The following LAMA2 variants were observed in gnomAD, a reference collection of about 807,000 sequenced individuals.
The protein encoded by LAMA2 is laminin subunit alpha 2.
Under a neutral mutation model 364.8 loss-of-function variants are expected in LAMA2, and 269 were observed. The ratio of observed to expected loss-of-function variants is 0.74; its 90% CI spans 0.67 to 0.82. The LOEUF (loss-of-function observed/expected upper bound fraction) is 0.82. LAMA2 is among the 40% of genes least tolerant of loss of function. LAMA2 has a pLI of 0.00. For missense variants in LAMA2, 3,807 were observed against 3,873.2 expected (o/e 0.98, Z 0.45); for synonymous variants, 1,379 against 1,370.6 (o/e 1.01, Z -0.14).
Position 129,243,608 on chromosome 6 carries a change from T to A in LAMA2, c.1783-6504T>A, listed in dbSNP as rs771312119. On this transcript the variant is annotated intron_variant, in intron 12 of 64. Coordinates refer to ENST00000421865, the MANE Select transcript of LAMA2 (RefSeq NM_000426.4). ...TATCTCTGGTGGTCTGTTCCAGAAC[T>A]ATGTCCTTGACTCTGTCACATTCAT... Among the ~76,000 whole-genome samples the A allele has an allele frequency of 2.6e-5, 4 of 152,220 alleles. No homozygotes were observed. In the East Asian group the frequency reaches 7.7e-4, roughly 29 times the overall value.
At chr6:129,006,451 C>T (rs1784444989) in intron 1 of LAMA2, among the ~76,000 whole-genome samples, 1 of 152,042 alleles carries the variant, frequency 6.6e-6, no homozygotes, top group Non-Finnish European at 1.5e-5. Context: ...GCAGCATGAC[C>T]TCTCATCTCT....
chr6:129,067,859 A>G (rs1773038070), intron 3 of LAMA2, among the ~76,000 whole-genome samples: 1 of 152,088 alleles, frequency 6.6e-6, no homozygotes, highest in South Asian at 2.1e-4. Context: ...GTTTTTATTC[A>G]AGTGTTACCT....
chr6:129,422,564 G>C (rs1441518518), intron 40 of LAMA2, among the ~76,000 whole-genome samples: 1 of 152,170 alleles, frequency 6.6e-6, no homozygotes, highest in Middle Eastern at 3.4e-3. Context: ...GATGTTAAGA[G>C]GATATTATGA....
intron 20 of LAMA2, among the ~76,000 whole-genome samples, chr6:129,295,989 G>A (rs901838174): frequency 6.6e-6 from 1 of 151,562 alleles, no homozygotes; most frequent in Admixed American, 6.6e-5. Flanking sequence ...GGTGGTATGG[G>A]TATGTAATTG....
chr6:129,485,327 A>T (rs1181632603), intron 55 of LAMA2, among the ~76,000 whole-genome samples: 1 of 152,196 alleles, frequency 6.6e-6, no homozygotes, highest in Admixed American at 6.5e-5. Context: ...TCCTATTAAA[A>T]CAATTACAAT....
At chr6:129,106,959 A>G (rs6917970) in intron 4 of LAMA2, among the ~76,000 whole-genome samples, 39,623 of 151,280 alleles carry the variant, frequency 0.26, 5,947 homozygotes, top group African/African-American at 0.42. Context: ...AAAGATGGCC[A>G]GAGAAACTGA....
intron 1 of LAMA2, among the ~76,000 whole-genome samples, chr6:128,989,655 C>T (rs547948894): frequency 6.6e-6 from 1 of 152,150 alleles, no homozygotes; most frequent in Non-Finnish European, 1.5e-5. Flanking sequence ...TCACATCAGG[C>T]TTTGCTTATA....
At chr6:129,325,314 G>A (rs888313373) in intron 28 of LAMA2, among the ~76,000 whole-genome samples, 1 of 152,158 alleles carries the variant, frequency 6.6e-6, no homozygotes, top group Non-Finnish European at 1.5e-5. Context: ...GCTCAGGAAA[G>A]TATTTATTTG....
chr6:129,217,547 C>G (rs1332419555), intron 12 of LAMA2, among the ~76,000 whole-genome samples: 1 of 152,120 alleles, frequency 6.6e-6, no homozygotes, highest in Non-Finnish European at 1.5e-5. Context: ...ATAAATAGTG[C>G]TTTCAATAGA....
chr6:129,188,778 T>G (rs1399322774), intron 10 of LAMA2, among the ~76,000 whole-genome samples: 1 of 151,970 alleles, frequency 6.6e-6, no homozygotes, highest in Non-Finnish European at 1.5e-5. Flanking sequence ...AAAAGTTAAT[T>G]TAAAACAAAT....
chr6:129,302,423 G>T (rs13215801), intron 22 of LAMA2, among the ~76,000 whole-genome samples: 3 of 151,724 alleles, frequency 2.0e-5, no homozygotes, highest in African/African-American at 4.8e-5. Flanking sequence ...GTTCTTTAAC[G>T]TATGTTAAAG....
chr6:129,443,779 CA>C (rs1480444645), intron 44 of LAMA2, among the ~76,000 whole-genome samples: 1 of 151,948 alleles, frequency 6.6e-6, no homozygotes, highest in African/African-American at 2.4e-5. Flanking sequence ...AAAATAGCTA[CA>C]AAAAATAATA....
intron 3 of LAMA2, among the ~76,000 whole-genome samples, chr6:129,068,172 A>G (rs564818317): frequency 6.2e-4 from 94 of 152,360 alleles, no homozygotes; most frequent in African/African-American, 2.1e-3. Context: ...ACAAACCACC[A>G]ATCCATAATT....
chr6:129,478,132 A>G (rs949244541), intron 53 of LAMA2, among the ~76,000 whole-genome samples: 1 of 152,186 alleles, frequency 6.6e-6, no homozygotes, highest in Non-Finnish European at 1.5e-5. Flanking sequence ...TTTAGACTAT[A>G]TAATCCAAAA....
At chr6:128,941,258 CTGAT>C (rs1490006221) in intron 1 of LAMA2, among the ~76,000 whole-genome samples, 4 of 152,162 alleles carry the variant, frequency 2.6e-5, no homozygotes, top group Admixed American at 1.3e-4. Flanking sequence ...CAAACACTGA[CTGAT>C]TGTCTATTGG....
chr6:129,203,977 A>T (rs1271856120), intron 12 of LAMA2, among the ~76,000 whole-genome samples: 1 of 152,232 alleles, frequency 6.6e-6, no homozygotes, highest in Non-Finnish European at 1.5e-5. Context: ...TGTATGCTGC[A>T]GTAATTTATT....
intron 51 of LAMA2, among the ~76,000 whole-genome samples, chr6:129,472,350 G>A (rs996249389): frequency 6.6e-6 from 1 of 151,828 alleles, no homozygotes; most frequent in Non-Finnish European, 1.5e-5. Context: ...ATGTCAATAC[G>A]CATCAAGGAT....
In LAMA2 at chr6:129,270,606, T is replaced by G. The variant is rs199846930; in HGVS notation, c.2323-18T>G. ...CTGACACCAAAATAATAAACTCTGA[T>G]GCTCATTTCTTTCTCAGAACTGTAA... On this transcript the variant is annotated intron_variant, in intron 16 of 64. Transcript: ENST00000421865. 6.2e-7 allele frequency: 1 copy of G among 1,612,634 alleles called. No individual in the cohort carries two copies.
intron 1 of LAMA2, among the ~76,000 whole-genome samples, chr6:128,990,031 A>G (rs987867570): frequency 6.6e-6 from 1 of 152,214 alleles, no homozygotes; most frequent in Non-Finnish European, 1.5e-5. Context: ...GGACACAAAC[A>G]TTCATAACAT....
Sources: gnomAD v4.1 joint callset for allele counts (sites outside exome capture counted in the v4.1 genomes callset) on GRCh38, gnomAD v4.1.1 for gene constraint, MANE v1.5 for transcripts, NCBI Gene and HGNC (gene_info 2026-07-23, HGNC 2026-07-21) for gene names.